The following GPR158 variants were observed in gnomAD, a reference collection of about 807,000 sequenced individuals.
GPR158 encodes the protein metabotropic glycine receptor.
Under a neutral mutation model 78.2 loss-of-function variants are expected in GPR158, and 30 were observed. The ratio of observed to expected loss-of-function variants is 0.38; its 90% confidence interval spans 0.29 to 0.52. GPR158 has a LOEUF of 0.52. GPR158 is among the 20% of genes least tolerant of loss of function. The pLI, the probability that GPR158 is intolerant of heterozygous loss-of-function variation, is 0.83. For synonymous variants in GPR158, 581 were observed against 591.1 expected (o/e 0.98, Z 0.25); for missense variants, 1,463 against 1,523.5 (o/e 0.96, Z 0.66).
chr10:25,339,153 T>A (rs1255379632), intron 2 of GPR158, among the ~76,000 whole-genome samples: 2 of 151,876 alleles, frequency 1.3e-5, no homozygotes, highest in African/African-American at 4.8e-5. Flanking sequence ...CCTGGCCAGC[T>A]TTAAAATTTA....
intron 1 of GPR158, among the ~76,000 whole-genome samples, chr10:25,204,567 G>A (rs952842675): frequency 1.3e-5 from 2 of 152,114 alleles, no homozygotes; most frequent in African/African-American, 4.8e-5. Context: ...ATTGATTTGT[G>A]TATGTTGAGC....
chr10:25,306,256 C>T (rs1041023341), intron 2 of GPR158, among the ~76,000 whole-genome samples: 1 of 152,158 alleles, frequency 6.6e-6, no homozygotes, highest in African/African-American at 2.4e-5. Flanking sequence ...TCTTGATTGG[C>T]TTTTAGATCA....
chr10:25,319,288 A>G (rs1412199687), intron 2 of GPR158, among the ~76,000 whole-genome samples: 1 of 152,196 alleles, frequency 6.6e-6, no homozygotes, highest in African/African-American at 2.4e-5. Context: ...CACTTCTGTC[A>G]TCACACTTGT....
chr10:25,510,587 A>T, intron 5 of GPR158, among the ~76,000 whole-genome samples: 1 of 152,044 alleles, frequency 6.6e-6, no homozygotes, highest in Admixed American at 6.6e-5. Flanking sequence ...TTTGGGGAAC[A>T]GGTGGTGTTT....
intron 2 of GPR158, among the ~76,000 whole-genome samples, chr10:25,343,743 AC>A (rs913476487): frequency 2.6e-5 from 4 of 152,000 alleles, no homozygotes; most frequent in African/African-American, 9.7e-5. Context: ...TCAATGGACT[AC>A]TTTTTGAAAA....
At chr10:25,309,128 T>C (rs1001719798) in intron 2 of GPR158, among the ~76,000 whole-genome samples, 3 of 152,186 alleles carry the variant, frequency 2.0e-5, no homozygotes, top group African/African-American at 4.8e-5. Flanking sequence ...GAGGAGCTGC[T>C]ATCCTGTTTT....
At chr10:25,522,263 T>C (rs1393733788) in intron 5 of GPR158, among the ~76,000 whole-genome samples, 1 of 152,206 alleles carries the variant, frequency 6.6e-6, no homozygotes, top group East Asian at 1.9e-4. Flanking sequence ...GATCCACGTT[T>C]TCAGCTAGTT....
intron 2 of GPR158, among the ~76,000 whole-genome samples, chr10:25,365,329 T>C (rs1214135989): frequency 6.6e-6 from 1 of 151,512 alleles, no homozygotes; most frequent in Non-Finnish European, 1.5e-5. Flanking sequence ...GAATACAGCA[T>C]TTAGTTTTGA....
intron 2 of GPR158, among the ~76,000 whole-genome samples, chr10:25,234,485 C>G (rs1853496590): frequency 6.6e-6 from 1 of 152,106 alleles, no homozygotes; most frequent in African/African-American, 2.4e-5. Flanking sequence ...AAGTGAAAAC[C>G]ACACTTTTAG....
intron 2 of GPR158, among the ~76,000 whole-genome samples, chr10:25,316,933 G>GTGTA (rs1554793283): frequency 3.8e-4 from 56 of 148,896 alleles, no homozygotes; most frequent in Admixed American, 7.4e-4. Flanking sequence ...GTATGTGTGT[G>GTGTA]TATATATATA....
intron 3 of GPR158, among the ~76,000 whole-genome samples, chr10:25,402,998 T>C (rs187848960): frequency 2.3e-3 from 353 of 151,902 alleles, no homozygotes; most frequent in Middle Eastern, 0.01. Flanking sequence ...ATTCAAAGTC[T>C]ATTTTTCATT....
At chr10:25,420,585 T>C (rs546300561) in intron 4 of GPR158, among the ~76,000 whole-genome samples, 1 of 152,322 alleles carries the variant, frequency 6.6e-6, no homozygotes, top group African/African-American at 2.4e-5. Flanking sequence ...TCTGGGAGTT[T>C]TATAGTTTTA....
rs113852476 is a variant in GPR158 at position 25,419,396 on chromosome 10, G to T, written c.1335+6923G>T. On this transcript the variant is annotated intron_variant, in intron 4 of 10. Coordinates refer to ENST00000376351, the MANE Select transcript of GPR158 (RefSeq NM_020752.3). ...CCACATTTTGTTTTTCCGTTCATCTGTTGATGGCCATTTGAGTTGTTTCTA... is the reference window on the plus strand; with the variant it reads ...CCACATTTTGTTTTTCCGTTCATCTTTTGATGGCCATTTGAGTTGTTTCTA... 9.1e-3 allele frequency among the ~76,000 whole-genome samples: 1,379 copies of T among 152,182 alleles called. 25 individuals carry two copies. Among genetic ancestry groups the T allele is most frequent in the African/African-American group, 0.031 (1,302 of 41,520 alleles).
At chr10:25,473,354 C>T (rs1190053321) in intron 5 of GPR158, among the ~76,000 whole-genome samples, 22 of 151,970 alleles carry the variant, frequency 1.4e-4, no homozygotes, top group African/African-American at 3.1e-4. Context: ...GGATTCGGTT[C>T]GCCAGTATTT....
chr10:25,333,517 G>A (rs770652099), intron 2 of GPR158, among the ~76,000 whole-genome samples: 4 of 152,096 alleles, frequency 2.6e-5, no homozygotes, highest in African/African-American at 4.8e-5. Context: ...TTGGCTACAG[G>A]TGATGTTACA....
intron 2 of GPR158, among the ~76,000 whole-genome samples, chr10:25,300,351 T>C (rs1854574880): frequency 6.6e-6 from 1 of 152,212 alleles, no homozygotes; most frequent in Admixed American, 6.5e-5. Flanking sequence ...CATCTCCAGT[T>C]GACTCTCTTC....
At chr10:25,269,450 G>C (rs144624658) in intron 2 of GPR158, among the ~76,000 whole-genome samples, 1 of 152,100 alleles carries the variant, frequency 6.6e-6, no homozygotes, top group East Asian at 1.9e-4. Context: ...TGAAGAACCT[G>C]TGATTTTTCA....
chr10:25,387,403 T>G (rs1834236461), intron 2 of GPR158, among the ~76,000 whole-genome samples: 1 of 152,226 alleles, frequency 6.6e-6, no homozygotes, highest in African/African-American at 2.4e-5. Flanking sequence ...GCATCAATAT[T>G]CATCAGGAAT....
At chr10:25,481,601 C>T (rs1040541805) in intron 5 of GPR158, among the ~76,000 whole-genome samples, 2 of 152,146 alleles carry the variant, frequency 1.3e-5, no homozygotes, top group Non-Finnish European at 2.9e-5. Flanking sequence ...GTACAAGTAT[C>T]TGTTTGAATC....
Sources: gnomAD v4.1 joint callset for allele counts (sites outside exome capture counted in the v4.1 genomes callset) on GRCh38, gnomAD v4.1.1 for gene constraint, MANE v1.5 for transcripts, NCBI Gene and HGNC (gene_info 2026-07-23, HGNC 2026-07-21) for gene names.